Variants in ANO3 observed in about 807,000 individuals in gnomAD.
ANO3 encodes anoctamin-3.
A neutral mutation model predicts 144.8 loss-of-function variants in ANO3; 99 were observed. The observed-to-expected ratio is 0.68, with a 90% CI of 0.58 to 0.81. The LOEUF is 0.81. Ranked by LOEUF, ANO3 falls within the 30% of genes least tolerant of loss-of-function variation. The pLI, the probability that ANO3 is intolerant of heterozygous loss-of-function variation, is 0.00. For missense variants in ANO3, 905 were observed against 1,202.2 expected (o/e 0.75, Z 3.66); for synonymous variants, 414 against 392.6 (o/e 1.05, Z -0.64).
chr11:26,399,213 T>G (rs1857090221), intron 1 of ANO3, among the ~76,000 whole-genome samples: 1 of 151,918 alleles, frequency 6.6e-6, no homozygotes, highest in African/African-American at 2.4e-5. Flanking sequence ...TTTCTGTGAT[T>G]TTTGCAAGGC....
chr11:26,565,727 A>G, intron 14 of ANO3: 1 of 1,605,652 alleles, frequency 6.2e-7, no homozygotes, highest in South Asian at 1.1e-5. Context: ...AAATAGGTTT[A>G]TTTTCCATTG....
chr11:26,406,726 G>GTGT (rs1554950164), intron 1 of ANO3, among the ~76,000 whole-genome samples: 12 of 108,298 alleles, frequency 1.1e-4, no homozygotes, highest in Admixed American at 1.9e-4. Context: ...TGTGTGTGTG[G>GTGT]ATTGGTGGCA....
At chr11:26,436,021 T>C (rs1181288565) in intron 1 of ANO3, among the ~76,000 whole-genome samples, 2 of 152,188 alleles carry the variant, frequency 1.3e-5, no homozygotes, top group African/African-American at 2.4e-5. Context: ...GTGTGTGATT[T>C]TTCCTTTAAC....
intron 1 of ANO3, among the ~76,000 whole-genome samples, chr11:26,326,192 TG>T (rs1286737149): frequency 6.6e-6 from 1 of 152,156 alleles, no homozygotes; most frequent in East Asian, 1.9e-4. Context: ...AATGCATATT[TG>T]ATGGTTAGAA....
intron 1 of ANO3, among the ~76,000 whole-genome samples, chr11:26,251,331 A>G (rs537831097): frequency 1.9e-4 from 29 of 152,334 alleles, no homozygotes; most frequent in African/African-American, 7.0e-4. Context: ...AGGCACAGCT[A>G]TCTAATTCTA....
At chr11:26,643,440 T>C in intron 23 of ANO3, 106 bp downstream of exon 23, 1 of 1,399,394 alleles carries the variant, frequency 7.1e-7, no homozygotes, top group Non-Finnish European at 9.8e-7. Context: ...GCCAGTGTCA[T>C]AGTATTAAGA....
At chr11:26,480,809 A>G (rs931397671) in intron 4 of ANO3, among the ~76,000 whole-genome samples, 2 of 151,582 alleles carry the variant, frequency 1.3e-5, no homozygotes, top group Middle Eastern at 3.2e-3. Flanking sequence ...CCCTGTCTCA[A>G]AAACAATATA....
At chr11:26,350,317 C>T (rs1470074695) in intron 1 of ANO3, among the ~76,000 whole-genome samples, 2 of 152,060 alleles carry the variant, frequency 1.3e-5, no homozygotes, top group Non-Finnish European at 2.9e-5. Flanking sequence ...GGGCTGGGAC[C>T]TATTAGAGAC....
chr11:26,240,178 T>C (rs1361618473), intron 1 of ANO3, among the ~76,000 whole-genome samples: 2 of 152,212 alleles, frequency 1.3e-5, no homozygotes, highest in Non-Finnish European at 2.9e-5. Flanking sequence ...TTTATTCCTT[T>C]TCAATATTTC....
At chr11:26,622,929 C>A in intron 17 of ANO3, among the ~76,000 whole-genome samples, 1 of 152,252 alleles carries the variant, frequency 6.6e-6, no homozygotes, top group South Asian at 2.1e-4. Flanking sequence ...AGTGGGTGCT[C>A]AAGTACTATT....
chr11:26,612,513 T>C (rs1852128314), intron 17 of ANO3, among the ~76,000 whole-genome samples: 1 of 150,512 alleles, frequency 6.6e-6, no homozygotes, highest in African/African-American at 2.5e-5. Context: ...CCTTTCATAC[T>C]AGATGATTGA....
intron 9 of ANO3, among the ~76,000 whole-genome samples, chr11:26,535,601 C>T (rs2703419): frequency 2.0e-4 from 16 of 80,736 alleles, no homozygotes; most frequent in African/African-American, 3.6e-4. Flanking sequence ...TTTTTTTTTT[C>T]AGATGGAGTC....
intron 1 of ANO3, chr11:26,309,866 CTCA>C (rs1854468366): frequency 5.4e-6 from 1 of 186,092 alleles, no homozygotes; most frequent in African/African-American, 2.4e-5. Flanking sequence ...TGACATTTAG[CTCA>C]TCATGCACTT....
intron 11 of ANO3, among the ~76,000 whole-genome samples, chr11:26,542,951 G>A (rs763344852): frequency 1.3e-5 from 2 of 152,016 alleles, no homozygotes; most frequent in Non-Finnish European, 2.9e-5. Context: ...AGTGCCCCCA[G>A]TGTAAAACGG....
At chr11:26,377,074 G>T (rs1356085608) in intron 1 of ANO3, among the ~76,000 whole-genome samples, 1 of 152,078 alleles carries the variant, frequency 6.6e-6, no homozygotes, top group Non-Finnish European at 1.5e-5. Flanking sequence ...AGTAGCCATT[G>T]GTTGGTACTG....
intron 9 of ANO3, among the ~76,000 whole-genome samples, chr11:26,535,740 G>A (rs1276118870): frequency 6.6e-6 from 1 of 151,174 alleles, no homozygotes; most frequent in Non-Finnish European, 1.5e-5. Flanking sequence ...CCTCCACCAC[G>A]CCCGGCTAAT....
chr11:26,421,930 C>T (rs1156789417), intron 1 of ANO3, among the ~76,000 whole-genome samples: 7 of 151,976 alleles, frequency 4.6e-5, no homozygotes, highest in African/African-American at 1.7e-4. Context: ...GGGAACAACA[C>T]ACACTGGGGC....
chr11:26,249,024 T>C (rs1852863923), intron 1 of ANO3, among the ~76,000 whole-genome samples: 1 of 152,182 alleles, frequency 6.6e-6, no homozygotes, highest in Non-Finnish European at 1.5e-5. Context: ...AACCGGTCCC[T>C]GGTGTCAAAA....
At chr11:26,376,798 T>C (rs1400757790) in intron 1 of ANO3, among the ~76,000 whole-genome samples, 3 of 152,186 alleles carry the variant, frequency 2.0e-5, no homozygotes, top group Non-Finnish European at 2.9e-5. Context: ...AAATAGTTAA[T>C]AGATAATGAT....
Sources: gnomAD v4.1 joint callset for allele counts (sites outside exome capture counted in the v4.1 genomes callset) on GRCh38, gnomAD v4.1.1 for gene constraint, MANE v1.5 for transcripts, NCBI Gene and HGNC (gene_info 2026-07-23, HGNC 2026-07-21) for gene names.